Variants in AK8 observed in about 807,000 individuals in gnomAD.
The protein encoded by AK8 is ATP-AMP transphosphorylase 8.
In AK8, 44 loss-of-function variants were observed where a neutral mutation model predicts 54.6. The ratio of observed to expected loss-of-function variants is 0.81; its 90% CI spans 0.63 to 1.04. The LOEUF (loss-of-function observed/expected upper bound fraction) is 1.04. Among genes scored for constraint, AK8 ranks in the 50% least tolerant of loss-of-function variants. AK8 has a pLI of 0.00. For missense variants in AK8, 555 were observed against 613.6 expected (o/e 0.90, Z 1.01); for synonymous variants, 239 against 245.6 (o/e 0.97, Z 0.25).
chr9:132,756,521 C>T (rs898540295), intron 11 of AK8, among the ~76,000 whole-genome samples: 1 of 152,234 alleles, frequency 6.6e-6, no homozygotes, highest in Admixed American at 6.5e-5. Flanking sequence ...CCACCTTCTG[C>T]ACTGATAACA....
chr9:132,849,505 G>A (rs1166140657), intron 5 of AK8, among the ~76,000 whole-genome samples: 3 of 152,128 alleles, frequency 2.0e-5, no homozygotes, highest in Admixed American at 6.5e-5. Context: ...GTCCACCCCC[G>A]ATTTAGAATA....
intron 5 of AK8, among the ~76,000 whole-genome samples, chr9:132,853,271 T>C (rs1843039678): frequency 6.7e-6 from 1 of 148,612 alleles, no homozygotes; most frequent in Non-Finnish European, 1.5e-5. Flanking sequence ...GGCAGGAGAA[T>C]CGCTCAAACC....
intron 5 of AK8, among the ~76,000 whole-genome samples, chr9:132,835,839 T>A (rs980422360): frequency 6.6e-6 from 1 of 151,964 alleles, no homozygotes; most frequent in Non-Finnish European, 1.5e-5. Flanking sequence ...AAATAAAAAA[T>A]TAGGCCAGGC....
intron 11 of AK8, among the ~76,000 whole-genome samples, chr9:132,739,487 T>C (rs1354385106): frequency 6.9e-6 from 1 of 144,736 alleles, no homozygotes; most frequent in East Asian, 2.0e-4. Flanking sequence ...AAAAAGATTG[T>C]TCCTGCTTAT....
At chr9:132,804,341 A>C (rs1241739432) in intron 10 of AK8, among the ~76,000 whole-genome samples, 1 of 152,150 alleles carries the variant, frequency 6.6e-6, no homozygotes, top group Admixed American at 6.5e-5. Context: ...CAGCCGGCCG[A>C]GCAGACAGCG....
intron 11 of AK8, among the ~76,000 whole-genome samples, chr9:132,753,883 C>A (rs1838064555): frequency 6.6e-6 from 1 of 152,234 alleles, no homozygotes; most frequent in Non-Finnish European, 1.5e-5. Flanking sequence ...CTTTCCACTG[C>A]CGTCTGAATT....
chr9:132,742,187 T>G (rs909700762), intron 11 of AK8, among the ~76,000 whole-genome samples: 2 of 151,400 alleles, frequency 1.3e-5, no homozygotes, highest in African/African-American at 4.9e-5. Context: ...TTTTTTTTTT[T>G]TGAGAGAGAT....
chr9:132,863,503 T>C (rs1390045970), intron 4 of AK8, among the ~76,000 whole-genome samples, 162 bp downstream of exon 4: 1 of 152,238 alleles, frequency 6.6e-6, no homozygotes, highest in Non-Finnish European at 1.5e-5. Context: ...AATTATCTTC[T>C]TCCTTCCTTC....
chr9:132,804,104 CAAAAAAAAAA>C (rs200556575), intron 10 of AK8, among the ~76,000 whole-genome samples: 43 of 93,258 alleles, frequency 4.6e-4, no homozygotes, highest in East Asian at 7.8e-4. Context: ...GACTCCATCT[CAAAAAAAAAA>C]AAAAAAAAAA....
chr9:132,844,658 GA>G (rs1842679159), intron 5 of AK8, among the ~76,000 whole-genome samples: 1 of 152,204 alleles, frequency 6.6e-6, no homozygotes, highest in Non-Finnish European at 1.5e-5. Context: ...AAGGTTAGAA[GA>G]AAGTTTAAAA....
intron 11 of AK8, among the ~76,000 whole-genome samples, chr9:132,760,263 A>T (rs1439622021): frequency 1.3e-5 from 2 of 151,644 alleles, no homozygotes; most frequent in Non-Finnish European, 2.9e-5. Flanking sequence ...AGCTCACTGC[A>T]GCCCTGACTC....
intron 10 of AK8, among the ~76,000 whole-genome samples, chr9:132,812,526 A>G (rs74860435): frequency 0.24 from 1,676 of 6,880 alleles, 73 homozygotes; most frequent in Non-Finnish European, 0.34. Flanking sequence ...GGGGTGAGCT[A>G]CCGTGCCCAC....
chr9:132,850,718 G>C (rs1842940578), intron 5 of AK8, among the ~76,000 whole-genome samples: 1 of 151,666 alleles, frequency 6.6e-6, no homozygotes, highest in Non-Finnish European at 1.5e-5. Flanking sequence ...ATTTTTAGTA[G>C]AGACGGGGTT....
At position 132,838,411 on chromosome 9, in the gene AK8, G is replaced by C. The variant is rs560871524; in HGVS notation, c.403-9685C>G. Among the ~76,000 whole-genome samples, 47 of 152,274 alleles carry C rather than the reference G, an allele frequency of 3.1e-4. 1 individual carries two copies. The highest frequency in any genetic ancestry group is 5.2e-4 in the Admixed American group (8 of 15,284). On this transcript the variant is annotated intron_variant, in intron 5 of 12. Coordinates refer to ENST00000298545, the MANE Select transcript of AK8 (RefSeq NM_152572.3). The stretch of plus-strand genomic sequence containing the variant: ...ACCTGGGAACACAAAATAGAATTTT[G>C]CATTTCATGTTCAGTAAAGGAAACA...
intron 10 of AK8, among the ~76,000 whole-genome samples, chr9:132,811,386 A>T (rs992493893): frequency 3.3e-5 from 5 of 152,222 alleles, no homozygotes; most frequent in Non-Finnish European, 5.9e-5. Flanking sequence ...CAGAAGCAGA[A>T]GTCAGAGAGA....
intron 11 of AK8, among the ~76,000 whole-genome samples, chr9:132,789,516 G>A (rs1454477382): frequency 3.9e-5 from 5 of 127,728 alleles, no homozygotes; most frequent in Non-Finnish European, 7.8e-5. Context: ...AGAATCACTT[G>A]AACTTGGGAG....
At chr9:132,814,278 CAAAAAAAAAAAAAAAA>C (rs71376658) in intron 10 of AK8, among the ~76,000 whole-genome samples, 5 of 63,888 alleles carry the variant, frequency 7.8e-5, no homozygotes, top group African/African-American at 6.8e-5. Flanking sequence ...TACCCTGTCT[CAAAAAAAAAAAAAAAA>C]AAAAAAAAAA....
chr9:132,759,713 C>T (rs1838363837), intron 11 of AK8, among the ~76,000 whole-genome samples: 1 of 152,198 alleles, frequency 6.6e-6, no homozygotes, highest in Non-Finnish European at 1.5e-5. Context: ...CCCCCTGATC[C>T]GTGGTGCCAC....
In AK8 at chr9:132,787,199, G is replaced by C. The variant is rs1839749757; in HGVS notation, c.1121+5435C>G. On this transcript the variant is annotated intron_variant, in intron 11 of 12. Transcript: ENST00000298545. Reference sequence around the variant, plus strand: ...AATAACAGCAGTTTCAGAGAGAATAGAAAAAAGGGGAAAAAATCATTAACA... The same window carrying C: ...AATAACAGCAGTTTCAGAGAGAATACAAAAAAGGGGAAAAAATCATTAACA... Among the ~76,000 whole-genome samples the C allele has an allele frequency of 2.0e-5, 3 of 152,114 alleles. No individual in the cohort carries two copies. In the South Asian group the frequency reaches 6.2e-4, roughly 32 times the overall value.
Sources: allele counts gnomAD v4.1 joint callset (sites outside exome capture counted in the v4.1 genomes callset), GRCh38; gene constraint gnomAD v4.1.1; transcripts MANE v1.5; gene names NCBI Gene and HGNC (gene_info 2026-07-23, HGNC 2026-07-21).